CALN1: variants seen among roughly 807,000 people sequenced by gnomAD.
CALN1 encodes calcium-binding protein 8.
In CALN1, 17 loss-of-function variants were observed where a neutral mutation model predicts 30.6. The ratio of observed to expected loss-of-function variants is 0.56; its 90% CI spans 0.38 to 0.83. The LOEUF is 0.83. Among genes scored for constraint, CALN1 ranks in the 40% least tolerant of loss-of-function variants. The pLI is 0.00. For missense variants in CALN1, 291 were observed against 354.9 expected (o/e 0.82, Z 1.45); for synonymous variants, 156 against 131.4 (o/e 1.19, Z -1.28).
At chr7:71,845,705 CA>C (rs1790190648) in intron 5 of CALN1, among the ~76,000 whole-genome samples, 1 of 152,152 alleles carries the variant, frequency 6.6e-6, no homozygotes, top group Non-Finnish European at 1.5e-5. Context: ...ACCCAGAATT[CA>C]GCTGATTCTG....
At chr7:71,795,822 T>TTTTTC (rs2115967544) in intron 6 of CALN1, among the ~76,000 whole-genome samples, 1 of 141,756 alleles carries the variant, frequency 7.1e-6, no homozygotes, top group South Asian at 2.4e-4. Context: ...TTCTTTTTTT[T>TTTTTC]TTTTTTTTTT....
chr7:72,379,395 G>C (rs554802350), intron 2 of CALN1, among the ~76,000 whole-genome samples: 2 of 152,342 alleles, frequency 1.3e-5, no homozygotes, highest in South Asian at 4.2e-4. Context: ...AATGGTAATA[G>C]CTAACAGTTA....
chr7:71,906,771 G>A lies in CALN1; in HGVS notation c.502-96279C>T, dbSNP rs370454606. On this transcript the variant is annotated intron_variant, in intron 5 of 6. Coordinates refer to ENST00000395275, the MANE Select transcript of CALN1 (RefSeq NM_031468.4). Reference sequence around the variant, plus strand: ...AGATCTGGCATCCAGACAGAGTTAGGGCAGGGACCCTCATTTCCAGAACAA... The same window carrying A: ...AGATCTGGCATCCAGACAGAGTTAGAGCAGGGACCCTCATTTCCAGAACAA... Among the ~76,000 whole-genome samples, 25 of 152,290 alleles carry A rather than the reference G, an allele frequency of 1.6e-4. 1 individual carries two copies. The East Asian group carries it at 3.7e-3, about 22-fold the overall frequency.
intron 4 of CALN1, among the ~76,000 whole-genome samples, chr7:72,045,022 C>T (rs1410459119): frequency 7.9e-5 from 12 of 152,276 alleles, no homozygotes; most frequent in Admixed American, 7.2e-4. Flanking sequence ...CAAGGAGATA[C>T]CAATTTCTGA....
At chr7:71,924,101 G>C (rs1001447837) in intron 5 of CALN1, among the ~76,000 whole-genome samples, 1 of 150,832 alleles carries the variant, frequency 6.6e-6, no homozygotes, top group Non-Finnish European at 1.5e-5. Flanking sequence ...GCTGACGCAG[G>C]AGAATCGCTT....
intron 4 of CALN1, among the ~76,000 whole-genome samples, chr7:72,045,541 T>C (rs533638066): frequency 4.6e-5 from 7 of 152,250 alleles, no homozygotes; most frequent in African/African-American, 1.7e-4. Context: ...TCCTTTTCTT[T>C]TTTTGGAGAC....
Position 71,997,149 on chromosome 7 carries a change from C to T in CALN1, c.501+26508G>A, listed in dbSNP as rs181990403. On this transcript the variant is annotated intron_variant, in intron 5 of 6. Coordinates refer to ENST00000395275, the MANE Select transcript of CALN1 (RefSeq NM_031468.4). ...GCGAGTGACTGAGGCAGGAGGATGG[C>T]TTGAGCCCAGGATTTGGGGGTTGCA... Among the ~76,000 whole-genome samples, 394 of 152,140 alleles carry T rather than the reference C, an allele frequency of 2.6e-3. 3 individuals are homozygous for T. Among genetic ancestry groups the T allele is most frequent in the Non-Finnish European group, 4.3e-3 (294 of 67,998 alleles).
chr7:72,324,034 T>A (rs908651597), intron 2 of CALN1, among the ~76,000 whole-genome samples: 1 of 151,930 alleles, frequency 6.6e-6, no homozygotes, highest in South Asian at 2.1e-4. Flanking sequence ...GGTTTTTTGT[T>A]TTGTTTTGTT....
rs750348198 is a variant in CALN1, at chr7:72,090,913, TA to T, written c.388+15237del. Among the ~76,000 whole-genome samples, 16 of 152,068 alleles carry T rather than the reference TA, an allele frequency of 1.1e-4. No individual in the cohort carries two copies. In the East Asian group the frequency reaches 2.1e-3, roughly 20 times the overall value. On this transcript the variant is annotated intron_variant, in intron 4 of 6. Transcript: ENST00000395275. ...GAGAAAGAGAGTAGAACGATGATTA[TA>T]GGGGCAAGGATGGGTAGTGGGTGTG...
At chr7:72,160,585 C>A (rs757343323) in intron 3 of CALN1, among the ~76,000 whole-genome samples, 1 of 152,062 alleles carries the variant, frequency 6.6e-6, no homozygotes, top group Non-Finnish European at 1.5e-5. Context: ...AGCCAGAACA[C>A]TTTATTTTTA....
intron 3 of CALN1, among the ~76,000 whole-genome samples, chr7:72,263,970 T>C (rs1157900428): frequency 6.6e-6 from 1 of 152,156 alleles, no homozygotes; most frequent in Non-Finnish European, 1.5e-5. Flanking sequence ...CTGAACTGCT[T>C]TGCATAAATA....
chr7:71,934,835 G>T (rs1296520036), intron 5 of CALN1, among the ~76,000 whole-genome samples: 2 of 152,204 alleles, frequency 1.3e-5, no homozygotes, highest in Non-Finnish European at 2.9e-5. Context: ...GGAAGGCAAG[G>T]AGGAGCAAGT....
chr7:72,207,284 G>A (rs1791961930), intron 3 of CALN1, among the ~76,000 whole-genome samples: 2 of 152,134 alleles, frequency 1.3e-5, no homozygotes, highest in Non-Finnish European at 2.9e-5. Flanking sequence ...GTTTTGGGTT[G>A]AAGGGAGTGC....
chr7:72,364,601 C>T (rs111729056), intron 2 of CALN1, among the ~76,000 whole-genome samples: 1,638 of 152,146 alleles, frequency 0.011, 14 homozygotes, highest in Non-Finnish European at 0.019. Context: ...GAACAAAACA[C>T]AGAATTATAT....
intron 3 of CALN1, among the ~76,000 whole-genome samples, chr7:72,277,625 A>G (rs1797421213): frequency 6.6e-6 from 1 of 152,172 alleles, no homozygotes; most frequent in African/African-American, 2.4e-5. Flanking sequence ...CACACAAGCA[A>G]AATGGATGAG....
intron 2 of CALN1, among the ~76,000 whole-genome samples, chr7:72,362,716 C>T (rs189990720): frequency 6.6e-6 from 1 of 152,262 alleles, no homozygotes; most frequent in East Asian, 1.9e-4. Flanking sequence ...TCCTCTGTGG[C>T]CCGTTGTCCT....
intron 3 of CALN1, among the ~76,000 whole-genome samples, chr7:72,198,406 G>A (rs555098521): frequency 4.0e-4 from 61 of 152,138 alleles, no homozygotes; most frequent in Admixed American, 3.3e-4. Flanking sequence ...CCTGAGATTA[G>A]ATAAAAACAT....
intron 5 of CALN1, among the ~76,000 whole-genome samples, chr7:71,854,807 G>A (rs1287782126): frequency 1.3e-5 from 2 of 152,180 alleles, no homozygotes; most frequent in Admixed American, 6.5e-5. Flanking sequence ...GAAGCTTCGG[G>A]CTCATTTCCC....
intron 5 of CALN1, among the ~76,000 whole-genome samples, chr7:71,974,268 C>T (rs1422988231): frequency 2.6e-5 from 4 of 151,730 alleles, no homozygotes; most frequent in Non-Finnish European, 5.9e-5. Flanking sequence ...AACTACAAAA[C>T]TTAGCCAGGC....
Sources: allele counts gnomAD v4.1 joint callset (sites outside exome capture counted in the v4.1 genomes callset), GRCh38; gene constraint gnomAD v4.1.1; transcripts MANE v1.5; gene names NCBI Gene and HGNC (gene_info 2026-07-23, HGNC 2026-07-21).